The following BMPR1B variants were observed in gnomAD, a reference collection of about 807,000 sequenced individuals.
BMPR1B encodes bone morphogenetic protein receptor type 1B, also known as bone morphogenetic protein receptor type-1B.
A neutral mutation model predicts 59.1 loss-of-function variants in BMPR1B; 12 were observed. That is an observed-to-expected ratio of 0.20 (90% CI 0.13 to 0.33). The LOEUF (loss-of-function observed/expected upper bound fraction) is 0.33, where lower values mean the gene tolerates loss of function less well. BMPR1B is among the 10% of genes least tolerant of loss of function. The pLI is 1.00. For missense variants in BMPR1B, 550 were observed against 610.9 expected (o/e 0.90, Z 1.05); for synonymous variants, 237 against 207.3 (o/e 1.14, Z -1.23).
At chr4:95,034,823 G>A (rs888046490) in intron 3 of BMPR1B, among the ~76,000 whole-genome samples, 1 of 151,924 alleles carries the variant, frequency 6.6e-6, no homozygotes, top group African/African-American at 2.4e-5. Flanking sequence ...TCAAATGGTA[G>A]TTCTACTTTT....
chr4:95,010,624 TC>T (rs1276836849), intron 3 of BMPR1B, among the ~76,000 whole-genome samples: 2 of 152,190 alleles, frequency 1.3e-5, no homozygotes, highest in Non-Finnish European at 2.9e-5. Flanking sequence ...GGTTAGTTCT[TC>T]CCTTAGACTA....
intron 2 of BMPR1B, among the ~76,000 whole-genome samples, chr4:94,966,146 A>G (rs749117612): frequency 4.6e-5 from 7 of 152,324 alleles, no homozygotes; most frequent in Middle Eastern, 3.4e-3. Flanking sequence ...TAAAGTGGCA[A>G]TAACACAATT....
chr4:94,954,564 A>G (rs192413375), intron 2 of BMPR1B, among the ~76,000 whole-genome samples: 3 of 152,332 alleles, frequency 2.0e-5, no homozygotes, highest in African/African-American at 2.4e-5. Flanking sequence ...ATGAGCCCAT[A>G]AAGAGACTAG....
chr4:95,014,289 C>T (rs1195476083), intron 3 of BMPR1B, among the ~76,000 whole-genome samples: 2 of 152,108 alleles, frequency 1.3e-5, no homozygotes, highest in East Asian at 1.9e-4. Flanking sequence ...ATCTCAGCAT[C>T]CAAACTCAGA....
At chr4:95,115,629 A>C in intron 5 of BMPR1B, 56 bp from the exon 6 acceptor site, 1 of 1,447,978 alleles carries the variant, frequency 6.9e-7, no homozygotes, top group South Asian at 1.1e-5. Context: ...GTTTTAGATG[A>C]TTTGACTTTG....
chr4:94,890,576 GA>G (rs1309995159), intron 2 of BMPR1B, among the ~76,000 whole-genome samples: 3 of 152,000 alleles, frequency 2.0e-5, no homozygotes, highest in Non-Finnish European at 4.4e-5. Context: ...CTGCCGTAAC[GA>G]AATACTTTAG....
At chr4:94,976,477 C>T (rs188888101) in intron 2 of BMPR1B, among the ~76,000 whole-genome samples, 5 of 152,298 alleles carry the variant, frequency 3.3e-5, no homozygotes, top group African/African-American at 1.2e-4. Flanking sequence ...CTAACCACAA[C>T]CACTTATATA....
intron 2 of BMPR1B, among the ~76,000 whole-genome samples, chr4:94,891,753 C>A (rs1192535571): frequency 3.3e-5 from 5 of 152,008 alleles, no homozygotes; most frequent in African/African-American, 1.2e-4. Flanking sequence ...AGATCAGTTA[C>A]AATTTTGATC....
intron 3 of BMPR1B, among the ~76,000 whole-genome samples, chr4:95,072,789 T>C (rs1282831105): frequency 1.3e-5 from 2 of 152,142 alleles, no homozygotes; most frequent in African/African-American, 2.4e-5. Flanking sequence ...ATAAACACAG[T>C]GAAGAAGCAA....
Position 94,970,609 on chromosome 4 carries a change from G to A in BMPR1B, c.-112-25431G>A, listed in dbSNP as rs141507148. 8.3e-3 allele frequency among the ~76,000 whole-genome samples: 1,258 copies of A among 152,060 alleles called. 16 individuals carry two copies. The highest frequency in any genetic ancestry group is 0.029 in the African/African-American group (1,184 of 41,450). The stretch of plus-strand genomic sequence containing the variant: ...ATTACAGGCATGAACCACCACACCC[G>A]GCCTGTTCATTTCTGTTTTAAAGTT... On this transcript the variant is annotated intron_variant, in intron 2 of 12. Transcript: ENST00000515059.
At chr4:94,952,766 C>G (rs972335550) in intron 2 of BMPR1B, among the ~76,000 whole-genome samples, 7 of 152,108 alleles carry the variant, frequency 4.6e-5, no homozygotes, top group Non-Finnish European at 7.4e-5. Context: ...CTGTAGATGT[C>G]TGTTAGGTCT....
chr4:94,823,074 G>A (rs1560501342), intron 1 of BMPR1B, among the ~76,000 whole-genome samples: 1 of 152,082 alleles, frequency 6.6e-6, no homozygotes, highest in Non-Finnish European at 1.5e-5. Context: ...TCCACAGGCA[G>A]CCACTGTATC....
At chr4:95,026,098 A>ATTTCTTTCTTTC (rs70946580) in intron 3 of BMPR1B, among the ~76,000 whole-genome samples, 10,473 of 100,912 alleles carry the variant, frequency 0.1, 673 homozygotes, top group African/African-American at 0.15. Flanking sequence ...GCTTTCTTTC[A>ATTTCTTTCTTTC]TTTCTTTCTT....
chr4:94,959,186 T>C (rs1730266418), intron 2 of BMPR1B, among the ~76,000 whole-genome samples: 1 of 152,176 alleles, frequency 6.6e-6, no homozygotes, highest in South Asian at 2.1e-4. Flanking sequence ...TTGGGATTTT[T>C]AGTCTACAAA....
At chr4:95,065,329 G>A (rs1050013395) in intron 3 of BMPR1B, among the ~76,000 whole-genome samples, 1 of 152,092 alleles carries the variant, frequency 6.6e-6, no homozygotes, top group Non-Finnish European at 1.5e-5. Context: ...ATATGGTTTT[G>A]TTTTTGAGGG....
rs145654295 is a variant in BMPR1B, at chr4:95,072,791, A to G, written c.-17-31617A>G. 1.0e-3 allele frequency among the ~76,000 whole-genome samples: 156 copies of G among 152,318 alleles called. 2 individuals carry two copies. The highest frequency in any genetic ancestry group is 1.3e-3 in the East Asian group (7 of 5,186). Reference sequence around the variant, plus strand: ...TAATAATAAAGTAATAAACACAGTGAAGAAGCAAAACAAATTATTTCATTA... The same window carrying G: ...TAATAATAAAGTAATAAACACAGTGGAGAAGCAAAACAAATTATTTCATTA... On this transcript the variant is annotated intron_variant, in intron 3 of 12. Coordinates refer to ENST00000515059, the MANE Select transcript of BMPR1B (RefSeq NM_001203.3).
chr4:94,851,820 CA>C (rs1360318667), intron 1 of BMPR1B, among the ~76,000 whole-genome samples: 2 of 152,128 alleles, frequency 1.3e-5, no homozygotes, highest in African/African-American at 4.8e-5. Flanking sequence ...TAAGGAACCA[CA>C]AGCATACATA....
At chr4:94,849,690 A>C (rs1448705874) in intron 1 of BMPR1B, among the ~76,000 whole-genome samples, 1 of 151,976 alleles carries the variant, frequency 6.6e-6, no homozygotes, top group Non-Finnish European at 1.5e-5. Flanking sequence ...GTAGGTACAC[A>C]GCCTGTTTAT....
chr4:95,142,644 T>G (rs1734324998), intron 10 of BMPR1B, among the ~76,000 whole-genome samples: 1 of 152,110 alleles, frequency 6.6e-6, no homozygotes. Context: ...CATCCGCATG[T>G]GCCCAAAGGC....
Sources: allele counts gnomAD v4.1 joint callset (sites outside exome capture counted in the v4.1 genomes callset), GRCh38; gene constraint gnomAD v4.1.1; transcripts MANE v1.5; gene names NCBI Gene and HGNC (gene_info 2026-07-23, HGNC 2026-07-21).